The following TPD52L2 variants were observed in gnomAD, a reference collection of about 807,000 sequenced individuals.
The protein encoded by TPD52L2 is TPD52 like 2.
Under a neutral mutation model 24.7 loss-of-function variants are expected in TPD52L2, and 19 were observed. The observed-to-expected ratio is 0.77, with a 90% CI of 0.54 to 1.13. The LOEUF (loss-of-function observed/expected upper bound fraction) is 1.13, where lower values mean the gene tolerates loss of function less well. Ranked by LOEUF, TPD52L2 falls within the 50% of genes most tolerant of loss-of-function variation. The probability of loss-of-function intolerance (pLI) is 0.00; values close to 1 mark genes in which losing one functional copy is unlikely to be tolerated. For missense variants in TPD52L2, 236 were observed against 250.4 expected, an observed-to-expected ratio of 0.94 and a Z score of 0.39; for synonymous variants, 104 against 100.2, an observed-to-expected ratio of 1.04 and a Z score of -0.23.
chr20:63,878,722 T>A (rs2052782599), intron 4 of TPD52L2, among the ~76,000 whole-genome samples: 1 of 152,192 alleles, frequency 6.6e-6, no homozygotes, highest in Non-Finnish European at 1.5e-5. Flanking sequence ...AGATGCCCTG[T>A]GCTGCCCAGG....
At chr20:63,875,971 G>T in intron 4 of TPD52L2, 96 bp downstream of exon 4, 1 of 1,275,618 alleles carries the variant, frequency 7.8e-7, no homozygotes, top group East Asian at 2.4e-5. Context: ...CACAAAGCTT[G>T]TTTTGGTATT....
At chr20:63,874,144 C>T (rs1008377792) in intron 3 of TPD52L2, among the ~76,000 whole-genome samples, 7 of 150,710 alleles carry the variant, frequency 4.6e-5, no homozygotes, top group African/African-American at 7.3e-5. Flanking sequence ...CTCTGCCCCC[C>T]GGGTTCAAGC....
At chr20:63,882,945 T>C in intron 5 of TPD52L2, 125 bp downstream of exon 5, 1 of 713,342 alleles carries the variant, frequency 1.4e-6, no homozygotes. Flanking sequence ...GATGTGGCCA[T>C]CCATCATGGC....
intron 5 of TPD52L2, chr20:63,887,414 G>T: frequency 1.1e-6 from 1 of 903,164 alleles, no homozygotes; most frequent in South Asian, 1.3e-5. Context: ...AGTTTCCTTC[G>T]GGGGCATTGT....
chr20:63,873,693 G>A lies in TPD52L2; in HGVS notation c.191G>A (p.Arg64His), dbSNP rs776216401. ...GTGGAAGAGGAAATTGTCACTCTGC[G>A]CCAGGTCCTGGCAGCCAAGGAGAGG... Reference protein sequence around the residue: ...TKVEEEIVTLRQVLAAKERHC... With the variant: ...TKVEEEIVTLHQVLAAKERHC... The change falls in exon 3 of 7, where the codon CGC becomes CAC. Residue 64 changes from arginine (R) to histidine (H), a missense_variant. Physicochemically the swap from Arg to His is conservative, Grantham distance 29 (BLOSUM62 0). Transcript: ENST00000346249. The A allele has an allele frequency of 6.8e-6, 11 of 1,609,528 alleles. 1 individual carries two copies. Among genetic ancestry groups the A allele is most frequent in the Admixed American group, 6.8e-5 (4 of 58,728 alleles).
chr20:63,889,899 C>T lies in TPD52L2; in HGVS notation c.575C>T (p.Ser192Leu), dbSNP rs527964293. 19 of 1,614,210 alleles carry T rather than the reference C, an allele frequency of 1.2e-5. No individual in the cohort carries two copies. The highest frequency in any genetic ancestry group is 6.7e-5 in the East Asian group (3 of 44,894). The change falls in exon 7 of 7, where the codon TCA becomes TTA. Residue 192 changes from serine to leucine, a missense_variant. Ser to Leu is a moderately radical substitution (Grantham distance 145, BLOSUM62 -2). Transcript: ENST00000346249. ...RENGSDNLPS[S>L]AGSGDKPLSD... is the part of the protein sequence containing the mutation. ...AACGGCAGTGACAACCTCCCTTCCT[C>T]AGCGGGGAGTGGTGACAAGCCCCTG...
At chr20:63,887,734 C>A in intron 5 of TPD52L2, 1 of 934,426 alleles carries the variant, frequency 1.1e-6, no homozygotes, top group Non-Finnish European at 1.7e-6. Context: ...CCCTTGGCAA[C>A]CTCTGATGAC....
chr20:63,866,862 C>T (rs907594664), intron 1 of TPD52L2, among the ~76,000 whole-genome samples: 1 of 151,056 alleles, frequency 6.6e-6, no homozygotes, highest in South Asian at 2.1e-4. Flanking sequence ...ATCTTCAACT[C>T]CTGGGCTCAA....
Position 63,869,388 on chromosome 20 carries a change from G to T in TPD52L2, c.112G>T (p.Val38Phe). ...DTGVAARTPA[V>F]EGLTEAEEEE... ...AGGTGTGGCTGCCCGGACTCCTGCT[G>T]TTGAGGGTCTGACAGAGGCTGAGGA... Residue 38 changes from valine (V) to phenylalanine (F), a missense_variant, in exon 2 of 7, where the codon GTT becomes TTT. Coordinates refer to ENST00000346249, the MANE Select transcript of TPD52L2 (RefSeq NM_003288.4). 1 of 1,614,260 alleles carries T rather than the reference G, an allele frequency of 6.2e-7. No homozygotes were observed. Among genetic ancestry groups the T allele is most frequent in the Non-Finnish European group, 8.5e-7 (1 of 1,180,054 alleles).
At chr20:63,872,804 C>A (rs1450963992) in intron 2 of TPD52L2, among the ~76,000 whole-genome samples, 1 of 149,936 alleles carries the variant, frequency 6.7e-6, no homozygotes, top group Non-Finnish European at 1.5e-5. Context: ...CCTGGATTCA[C>A]ACCATTCTCC....
intron 5 of TPD52L2, chr20:63,886,170 A>G: frequency 1.1e-6 from 1 of 901,400 alleles, no homozygotes; most frequent in Admixed American, 1.8e-5. Flanking sequence ...CTTCCAGGAC[A>G]GCAGTGCCAG....
chr20:63,876,699 C>T (rs1334092286), intron 4 of TPD52L2: 1 of 448,632 alleles, frequency 2.2e-6, no homozygotes, highest in East Asian at 7.0e-5. Flanking sequence ...CCGAGCTTGT[C>T]TTGAAGGTCC....
chr20:63,889,263 G>A (rs752687554), intron 6 of TPD52L2, 25 bp downstream of exon 6: 7 of 1,606,592 alleles, frequency 4.4e-6, no homozygotes, highest in African/African-American at 1.3e-5. Flanking sequence ...ACTGTTTGAT[G>A]GTCTTGGCAA....
chr20:63,875,968 C>T, intron 4 of TPD52L2, 93 bp downstream of exon 4: 1 of 1,300,942 alleles, frequency 7.7e-7, no homozygotes, highest in Non-Finnish European at 1.1e-6. Flanking sequence ...TGGCACAAAG[C>T]TTGTTTTGGT....
At chr20:63,865,819 C>G (rs553137151) in intron 1 of TPD52L2, among the ~76,000 whole-genome samples, 3 of 151,910 alleles carry the variant, frequency 2.0e-5, no homozygotes, top group East Asian at 3.9e-4. Flanking sequence ...GAGGGCGGCT[C>G]CCGAGCAGAG....
intron 2 of TPD52L2, among the ~76,000 whole-genome samples, chr20:63,871,938 AAG>A (rs1449957019): frequency 6.6e-6 from 1 of 152,026 alleles, no homozygotes; most frequent in African/African-American, 2.4e-5. Flanking sequence ...CCGGCCAAGA[AAG>A]AGAATTTTTA....
intron 1 of TPD52L2, 74 bp from the exon 2 acceptor site, chr20:63,869,222 T>G: frequency 6.3e-7 from 1 of 1,576,398 alleles, no homozygotes; most frequent in South Asian, 1.1e-5. Flanking sequence ...GCTTTTGTCC[T>G]GCTAGAGACC....
chr20:63,871,305 A>T (rs1014284587), intron 2 of TPD52L2, among the ~76,000 whole-genome samples: 3 of 151,014 alleles, frequency 2.0e-5, no homozygotes, highest in Non-Finnish European at 4.4e-5. Flanking sequence ...AGCCTCCCGA[A>T]GTGCTAGGAT....
rs900124588 is a variant in TPD52L2 at position 63,877,991 on chromosome 20, G to A, written c.374+2116G>A. Among the ~76,000 whole-genome samples the A allele has an allele frequency of 1.3e-5, 2 of 152,282 alleles. No homozygotes were observed. The highest frequency in any genetic ancestry group is 2.9e-5 in the Non-Finnish European group (2 of 68,048). ...GAGGCCGAGGGCGGTGGTTTCTGCC[G>A]GGACGGCCCAGACGGAAGGGATGCG... On this transcript the variant is annotated intron_variant, in intron 4 of 6. Coordinates refer to ENST00000346249, the MANE Select transcript of TPD52L2 (RefSeq NM_003288.4). This position sits in a 1 kb window ranked among gnomAD's most constrained non-coding sequence, Gnocchi z 4.1.
Sources: allele counts gnomAD v4.1 joint callset (sites outside exome capture counted in the v4.1 genomes callset), GRCh38; gene constraint gnomAD v4.1.1; non-coding constraint Gnocchi (gnomAD v3.1); transcripts MANE v1.5; gene names NCBI Gene and HGNC (gene_info 2026-07-23, HGNC 2026-07-21).